Variants in PIEZO2 observed in about 807,000 individuals in gnomAD.
PIEZO2 encodes the protein piezo type mechanosensitive ion channel component 2.
In PIEZO2, 172 loss-of-function variants were observed where a neutral mutation model predicts 337.3. The observed-to-expected ratio is 0.51, with a 90% CI of 0.45 to 0.58. The LOEUF (loss-of-function observed/expected upper bound fraction) is 0.58, where lower values mean the gene tolerates loss of function less well. Among genes scored for constraint, PIEZO2 ranks in the 20% least tolerant of loss-of-function variants. PIEZO2 has a pLI of 0.00. For synonymous variants in PIEZO2, 1,251 were observed against 1,228.5 expected, an observed-to-expected ratio of 1.02 and a Z score of -0.38; for missense variants, 3,028 against 3,391.3, an observed-to-expected ratio of 0.89 and a Z score of 2.66.
intron 2 of PIEZO2, among the ~76,000 whole-genome samples, chr18:11,045,401 A>G (rs1045267780): frequency 6.6e-6 from 1 of 152,114 alleles, no homozygotes; most frequent in African/African-American, 2.4e-5. Flanking sequence ...AAGCCTGAAC[A>G]AAGCCAATGT....
chr18:10,734,843 T>G (rs1340850588), intron 35 of PIEZO2, among the ~76,000 whole-genome samples: 1 of 152,168 alleles, frequency 6.6e-6, no homozygotes, highest in African/African-American at 2.4e-5. Flanking sequence ...TATTAGCTTA[T>G]CCAGAATTTT....
rs1480107590 is a variant in PIEZO2 at position 10,942,117 on chromosome 18, T to G, written c.287-30889A>C. 3.3e-5 allele frequency among the ~76,000 whole-genome samples: 5 copies of G among 152,252 alleles called. No homozygotes were observed. Among genetic ancestry groups the G allele is most frequent in the African/African-American group, 1.2e-4 (5 of 41,460 alleles). On this transcript the variant is annotated intron_variant, in intron 3 of 55. Transcript: ENST00000674853. This position sits in a 1 kb window ranked among gnomAD's most constrained non-coding sequence, Gnocchi z 4.4. Reference sequence around the variant, plus strand: ...TGGAACTGTAAGTCCAATAAACCTCTTTCTTTTGTAAAATGCCTAGTCTCT... The same window carrying G: ...TGGAACTGTAAGTCCAATAAACCTCGTTCTTTTGTAAAATGCCTAGTCTCT...
rs79990033 is a variant in PIEZO2 at position 10,815,191 on chromosome 18, A to C, written c.918-7917T>G. 7.6e-3 allele frequency among the ~76,000 whole-genome samples: 1,158 copies of C among 152,342 alleles called. 22 individuals carry two copies. Among genetic ancestry groups the C allele is most frequent in the African/African-American group, 0.026 (1,075 of 41,584 alleles). On this transcript the variant is annotated intron_variant, in intron 7 of 55. Transcript: ENST00000674853. The surrounding 1 kb of genome is among the most constrained non-coding windows in gnomAD (Gnocchi z 4.1). ...TTTTTAAAGGTTAAAAACAATGAAA[A>C]TTCAAGTGGCACATATTCTACTTAG...
chr18:10,927,745 T>C (rs1387590325), intron 3 of PIEZO2, among the ~76,000 whole-genome samples: 7 of 152,096 alleles, frequency 4.6e-5, no homozygotes, highest in African/African-American at 1.7e-4. Context: ...TACAGAATTT[T>C]CCTCTCTCTG....
At chr18:10,897,378 G>A (rs1023500196) in intron 4 of PIEZO2, among the ~76,000 whole-genome samples, 6 of 152,076 alleles carry the variant, frequency 3.9e-5, no homozygotes, top group African/African-American at 9.7e-5. Context: ...TAGTAGAGAC[G>A]GGATTTCACC....
At chr18:10,865,034 G>C (rs2041970514) in intron 5 of PIEZO2, among the ~76,000 whole-genome samples, 1 of 152,184 alleles carries the variant, frequency 6.6e-6, no homozygotes, top group African/African-American at 2.4e-5. Flanking sequence ...AGAGTGAGGA[G>C]AAGACATCTA....
In PIEZO2 at chr18:11,132,633, G is replaced by A. The variant is rs984924654; in HGVS notation, c.64+15892C>T. Among the ~76,000 whole-genome samples, 4 of 152,168 alleles carry A rather than the reference G, an allele frequency of 2.6e-5. No homozygotes were observed. Among genetic ancestry groups the A allele is most frequent in the South Asian group, 2.1e-4 (1 of 4,818 alleles). On this transcript the variant is annotated intron_variant, in intron 1 of 55. Coordinates refer to ENST00000674853, the MANE Select transcript of PIEZO2 (RefSeq NM_001378183.1). The surrounding 1 kb of genome is among the most constrained non-coding windows in gnomAD (Gnocchi z 4.7). ...TTGCTTCCTGTTCCCGTGACATTACGTTCTGCTGGCCTAGAGGTCTTAGTT... is the reference window on the plus strand; with the variant it reads ...TTGCTTCCTGTTCCCGTGACATTACATTCTGCTGGCCTAGAGGTCTTAGTT...
intron 21 of PIEZO2, among the ~76,000 whole-genome samples, chr18:10,765,242 C>T (rs1394019965): frequency 6.6e-6 from 1 of 152,188 alleles, no homozygotes; most frequent in African/African-American, 2.4e-5. Context: ...ATAGCAGGTC[C>T]AAGGTCCTTC....
intron 3 of PIEZO2, among the ~76,000 whole-genome samples, chr18:10,976,762 T>C (rs1353417160): frequency 6.6e-6 from 1 of 152,180 alleles, no homozygotes; most frequent in Non-Finnish European, 1.5e-5. Flanking sequence ...TCAAAGCCCA[T>C]ATATTTAGGA....
chr18:10,885,860 G>C (rs929099001), intron 4 of PIEZO2, among the ~76,000 whole-genome samples: 6 of 152,182 alleles, frequency 3.9e-5, no homozygotes, highest in African/African-American at 1.4e-4. Context: ...CAGATGACTA[G>C]CAGAAGCTGG....
chr18:10,735,701 A>G (rs1202424749), intron 34 of PIEZO2, among the ~76,000 whole-genome samples: 1 of 152,220 alleles, frequency 6.6e-6, no homozygotes, highest in African/African-American at 2.4e-5. Flanking sequence ...CAATGGGGGA[A>G]GAAAGAAAGC....
intron 3 of PIEZO2, among the ~76,000 whole-genome samples, chr18:10,964,410 TAATAGCAAA>T (rs1416186030): frequency 1.3e-5 from 2 of 152,178 alleles, no homozygotes; most frequent in East Asian, 3.8e-4. Flanking sequence ...TTGCAGAGAA[TAATAGCAAA>T]TATTCTACAG....
chr18:10,970,476 T>C (rs779596378), intron 3 of PIEZO2, among the ~76,000 whole-genome samples: 24 of 152,216 alleles, frequency 1.6e-4, no homozygotes, highest in Non-Finnish European at 3.2e-4. Flanking sequence ...CTTCCTTTTT[T>C]TCACAACTTA....
rs1429224039 is a variant in PIEZO2 at position 10,888,313 on chromosome 18, G to A, written c.330-16898C>T. Among the ~76,000 whole-genome samples, 1 of 152,134 alleles carries A rather than the reference G, an allele frequency of 6.6e-6. No homozygotes were observed. Among genetic ancestry groups the A allele is most frequent in the East Asian group, 1.9e-4 (1 of 5,190 alleles). On this transcript the variant is annotated intron_variant, in intron 4 of 55. Coordinates refer to ENST00000674853, the MANE Select transcript of PIEZO2 (RefSeq NM_001378183.1). This position sits in a 1 kb window ranked among gnomAD's most constrained non-coding sequence, Gnocchi z 4.1. ...CCCTGAGTTGTGAGGGCCCCTCCAC[G>A]CTGGCTCCTGGGAAATGTCCTTGTC...
chr18:10,690,220 G>T (rs1598358978), intron 48 of PIEZO2, among the ~76,000 whole-genome samples: 1 of 152,330 alleles, frequency 6.6e-6, no homozygotes, highest in East Asian at 1.9e-4. Context: ...TAAAGGCAGA[G>T]GGAGAAGGAG....
chr18:10,845,178 T>C (rs2041316808), intron 7 of PIEZO2, among the ~76,000 whole-genome samples: 1 of 147,456 alleles, frequency 6.8e-6, no homozygotes, highest in Non-Finnish European at 1.5e-5. Context: ...TTATTATAAT[T>C]TTTCCCATTG....
chr18:11,001,604 G>A lies in PIEZO2; in HGVS notation c.161-21944C>T, dbSNP rs1024878682. ...TCTAAAATCTTTTGTCAAGCAGGGT[G>A]TGGTGGCTCGTGCCTGTAATCTCAG... On this transcript the variant is annotated intron_variant, in intron 2 of 55. Transcript: ENST00000674853. The surrounding 1 kb of genome is among the most constrained non-coding windows in gnomAD (Gnocchi z 5.3). Among the ~76,000 whole-genome samples the A allele has an allele frequency of 6.6e-6, 1 of 152,120 alleles. No homozygotes were observed. Among genetic ancestry groups the A allele is most frequent in the African/African-American group, 2.4e-5 (1 of 41,438 alleles).
At chr18:11,122,863 T>A (rs1446411301) in intron 1 of PIEZO2, among the ~76,000 whole-genome samples, 1 of 151,896 alleles carries the variant, frequency 6.6e-6, no homozygotes, top group Non-Finnish European at 1.5e-5. Flanking sequence ...TATCATTTAC[T>A]TCCCTGAGAA....
chr18:11,024,118 C>T (rs2036435622), intron 2 of PIEZO2, among the ~76,000 whole-genome samples: 1 of 152,232 alleles, frequency 6.6e-6, no homozygotes, highest in Non-Finnish European at 1.5e-5. Flanking sequence ...AGCTGAAGGG[C>T]TCCTCAAGCG....
Sources: allele counts gnomAD v4.1 joint callset (sites outside exome capture counted in the v4.1 genomes callset), GRCh38; gene constraint gnomAD v4.1.1; non-coding constraint Gnocchi (gnomAD v3.1); transcripts MANE v1.5; gene names NCBI Gene and HGNC (gene_info 2026-07-23, HGNC 2026-07-21).